Variants in BTBD9 observed in about 807,000 individuals in gnomAD.
The protein encoded by BTBD9 is BTB/POZ domain-containing protein 9.
In BTBD9, 49 loss-of-function variants were observed where a neutral mutation model predicts 64.3. The observed-to-expected ratio is 0.76, with a 90% CI of 0.61 to 0.97. The LOEUF (loss-of-function observed/expected upper bound fraction) is 0.97, where lower values mean the gene tolerates loss of function less well. Ranked by LOEUF, BTBD9 falls within the 50% of genes least tolerant of loss-of-function variation. The pLI is 0.00. For missense variants in BTBD9, 598 were observed against 762.1 expected (o/e 0.78, Z 2.53); for synonymous variants, 260 against 274.7 (o/e 0.95, Z 0.53).
intron 10 of BTBD9, among the ~76,000 whole-genome samples, chr6:38,176,661 T>C (rs1761267374): frequency 6.6e-6 from 1 of 152,288 alleles, no homozygotes; most frequent in Non-Finnish European, 1.5e-5. Context: ...GGCTAGGTCC[T>C]AGGGGAAGGC....
At chr6:38,398,092 A>C (rs1766762511) in intron 6 of BTBD9, among the ~76,000 whole-genome samples, 1 of 152,176 alleles carries the variant, frequency 6.6e-6, no homozygotes, top group Admixed American at 6.5e-5. Context: ...AGCCCTGAGA[A>C]GTTTTAGTAG....
chr6:38,345,098 C>A lies in BTBD9; in HGVS notation c.1155-5G>T, dbSNP rs766846113. 1 of 1,572,590 alleles carries A rather than the reference C, an allele frequency of 6.4e-7. No homozygotes were observed. On this transcript the variant is annotated splice_polypyrimidine_tract_variant and splice_region_variant and intron_variant, in intron 6 of 10. Transcript: ENST00000481247. The stretch of plus-strand genomic sequence containing the variant: ...GTCCCAACAATTCGAATATACCTGA[C>A]GGTAAAAAGAAAAGAAAATGTGTTG...
At chr6:38,198,434 A>G (rs1762341864) in intron 9 of BTBD9, among the ~76,000 whole-genome samples, 1 of 152,216 alleles carries the variant, frequency 6.6e-6, no homozygotes, top group African/African-American at 2.4e-5. Context: ...TCTGGATGAT[A>G]AGGACACTGC....
At position 38,289,859 on chromosome 6, in the gene BTBD9, G is replaced by A. The variant is rs946360483; in HGVS notation, c.1265-1398C>T. On this transcript the variant is annotated intron_variant, in intron 7 of 10. Transcript: ENST00000481247. ...GTAAGTTCTCTAAACACTGAGAAGA[G>A]AATAAAAGGTGAGGGCCTTTTAAGT... is the stretch of plus-strand genomic sequence containing the variant. 4.6e-5 allele frequency among the ~76,000 whole-genome samples: 7 copies of A among 152,082 alleles called. 1 individual carries two copies. The highest frequency in any genetic ancestry group is 1.5e-5 in the Non-Finnish European group (1 of 68,026).
chr6:38,396,990 C>T (rs1253993705), intron 6 of BTBD9, among the ~76,000 whole-genome samples: 1 of 150,446 alleles, frequency 6.6e-6, no homozygotes, highest in African/African-American at 2.5e-5. Context: ...CAACCTCTGC[C>T]TCCTGGGTTC....
chr6:38,625,671 A>ATTTC (rs1778139782), intron 1 of BTBD9, among the ~76,000 whole-genome samples: 22 of 152,232 alleles, frequency 1.4e-4, no homozygotes, highest in Admixed American at 1.4e-3. Flanking sequence ...CATAGAGCTG[A>ATTTC]AAAGAATTCA....
At chr6:38,469,874 A>C (rs1223544140) in intron 6 of BTBD9, among the ~76,000 whole-genome samples, 1 of 152,204 alleles carries the variant, frequency 6.6e-6, no homozygotes, top group Non-Finnish European at 1.5e-5. Flanking sequence ...TTCAGACTTG[A>C]GATACTTGGA....
intron 4 of BTBD9, chr6:38,588,418 A>G: frequency 1.2e-6 from 1 of 820,876 alleles, no homozygotes; most frequent in Non-Finnish European, 2.1e-6. Flanking sequence ...ACCAAGATCA[A>G]GTTTTACTTC....
chr6:38,558,458 C>T (rs1394033396), intron 6 of BTBD9, among the ~76,000 whole-genome samples: 1 of 152,104 alleles, frequency 6.6e-6, no homozygotes, highest in Non-Finnish European at 1.5e-5. Context: ...TGAGAGTGGA[C>T]ATCCTTTCTT....
chr6:38,375,136 G>C (rs1765632118), intron 6 of BTBD9, among the ~76,000 whole-genome samples: 1 of 152,194 alleles, frequency 6.6e-6, no homozygotes, highest in Non-Finnish European at 1.5e-5. Context: ...ATAAGTGCCA[G>C]GAAAGTTAAT....
chr6:38,381,119 A>C (rs1481185153), intron 6 of BTBD9, among the ~76,000 whole-genome samples: 1 of 152,166 alleles, frequency 6.6e-6, no homozygotes, highest in Non-Finnish European at 1.5e-5. Context: ...ATAGGGGAGA[A>C]ATAGATCAAA....
At chr6:38,434,368 A>T (rs1298667299) in intron 6 of BTBD9, among the ~76,000 whole-genome samples, 1 of 151,954 alleles carries the variant, frequency 6.6e-6, no homozygotes, top group Non-Finnish European at 1.5e-5. Context: ...CTTAACCTGA[A>T]TATTTCCTTT....
At chr6:38,594,761 T>C (rs1341994089) in intron 2 of BTBD9, among the ~76,000 whole-genome samples, 1 of 152,228 alleles carries the variant, frequency 6.6e-6, no homozygotes, top group Non-Finnish European at 1.5e-5. Context: ...GGCTTGTTAA[T>C]ATCAGTGCTG....
chr6:38,489,269 C>T (rs1407829008), intron 6 of BTBD9, among the ~76,000 whole-genome samples: 4 of 151,954 alleles, frequency 2.6e-5, no homozygotes, highest in Non-Finnish European at 5.9e-5. Context: ...AGTTTGAGAC[C>T]AGCCTGGGAA....
intron 6 of BTBD9, among the ~76,000 whole-genome samples, chr6:38,453,979 T>G (rs1769675071): frequency 6.6e-6 from 1 of 152,196 alleles, no homozygotes; most frequent in Admixed American, 6.5e-5. Context: ...AGGACAAAAG[T>G]GGCTCCTTTT....
chr6:38,367,176 G>T (rs1765215353), intron 6 of BTBD9, among the ~76,000 whole-genome samples: 4 of 152,194 alleles, frequency 2.6e-5, no homozygotes. Flanking sequence ...AAAACTTGCT[G>T]CTCTCAGCTC....
chr6:38,637,074 C>A (rs1175262086), intron 1 of BTBD9, among the ~76,000 whole-genome samples: 1 of 152,202 alleles, frequency 6.6e-6, no homozygotes, highest in Non-Finnish European at 1.5e-5. Flanking sequence ...ACCCTCAGAG[C>A]TAAGCTCCAT....
chr6:38,275,628 C>CAATG (rs1216864916), intron 8 of BTBD9, among the ~76,000 whole-genome samples: 59 of 151,148 alleles, frequency 3.9e-4, no homozygotes, highest in African/African-American at 1.4e-3. Flanking sequence ...CCAGAATCTA[C>CAATG]AATGAACTCA....
chr6:38,554,162 G>T (rs1303999860), intron 6 of BTBD9, among the ~76,000 whole-genome samples: 2 of 152,242 alleles, frequency 1.3e-5, no homozygotes, highest in African/African-American at 2.4e-5. Context: ...TACATGATTT[G>T]CCATAAAATA....
Sources: gnomAD v4.1 joint callset for allele counts (sites outside exome capture counted in the v4.1 genomes callset) on GRCh38, gnomAD v4.1.1 for gene constraint, MANE v1.5 for transcripts, NCBI Gene and HGNC (gene_info 2026-07-23, HGNC 2026-07-21) for gene names.